The following EIF3E variants were observed in gnomAD, a reference collection of about 807,000 sequenced individuals.
EIF3E encodes the protein eIF-3 p48.
Under a neutral mutation model 59.3 loss-of-function variants are expected in EIF3E, and 25 were observed. That is an observed-to-expected ratio of 0.42 (90% CI 0.31 to 0.59). The LOEUF is 0.59. Ranked by LOEUF, EIF3E falls within the 20% of genes least tolerant of loss-of-function variation. The probability of loss-of-function intolerance (pLI) is 0.15; values close to 1 mark genes in which losing one functional copy is unlikely to be tolerated. For missense variants in EIF3E, 317 were observed against 534.3 expected (o/e 0.59, Z 4.01); for synonymous variants, 176 against 170.2 (o/e 1.03, Z -0.26).
chr8:108,203,435 T>C lies in EIF3E; in HGVS notation c.1130A>G (p.Asn377Ser). ...ATCAATCTTGGCATCCAGTCTTGCA[T>C]TTCTAATCAAATTTACAATCCACCT... ...AERWIVNLIRNARLDAKIDSK... is the reference protein window; with the variant it reads ...AERWIVNLIRSARLDAKIDSK... Residue 377 changes from asparagine to serine, a missense_variant, in exon 11 of 13, where the codon AAT becomes AGT. Around this residue, in one of 4 missense-constraint regions of EIF3E, gnomAD observed 45 missense variants for 97.8 expected, o/e 0.46. Coordinates refer to ENST00000220849, the MANE Select transcript of EIF3E (RefSeq NM_001568.3). The C allele has an allele frequency of 1.2e-6, 2 of 1,612,626 alleles. No homozygotes were observed. Among genetic ancestry groups the C allele is most frequent in the Non-Finnish European group, 1.7e-6 (2 of 1,179,056 alleles).
At position 108,203,387 on chromosome 8, in the gene EIF3E, A is replaced by G. The variant is rs188998961; in HGVS notation, c.1164+14T>C. On this transcript the variant is annotated intron_variant, in intron 11 of 12. Transcript: ENST00000220849. ...GGAACTGATAGTATGTAGCATAGCT[A>G]ACATAATACTCACTAATTTAGAATC... The G allele has an allele frequency of 6.3e-7, 1 of 1,589,884 alleles. No individual in the cohort carries two copies. The highest frequency in any genetic ancestry group is 8.6e-7 in the Non-Finnish European group (1 of 1,159,412).
Position 108,217,419 on chromosome 8 carries a change from C to A in EIF3E, c.764G>T (p.Arg255Leu). Residue 255 changes from arginine (R) to leucine (L), a missense_variant, in exon 8 of 13, where the codon CGC becomes CTC. By Grantham distance (102) the Arg-to-Leu change is moderately radical. Transcript: ENST00000220849. ...TGTTATGACTGCTGTAGTCAAATAGCGAAGAATGTGTGGACACATTGTCTG... is the reference window on the plus strand; with the variant it reads ...TGTTATGACTGCTGTAGTCAAATAGAGAAGAATGTGTGGACACATTGTCTG... ...AIQTMCPHIL[R>L]YLTTAVITNK... is the part of the protein sequence containing the mutation. 1 of 1,604,082 alleles carries A rather than the reference C, an allele frequency of 6.2e-7. No homozygotes were observed.
chr8:108,218,784 T>TC, intron 7 of EIF3E, among the ~76,000 whole-genome samples: 1 of 39,404 alleles, frequency 2.5e-5, no homozygotes. Context: ...TTTTATTTCT[T>TC]TTTTTTTTTT....
intron 5 of EIF3E, 119 bp downstream of exon 5, chr8:108,234,879 A>G: frequency 2.0e-6 from 1 of 500,948 alleles, no homozygotes. Flanking sequence ...CTCTTTTGCC[A>G]ATGACTGTTG....
chr8:108,210,824 C>A (rs1174656848), intron 10 of EIF3E, among the ~76,000 whole-genome samples: 1 of 151,946 alleles, frequency 6.6e-6, no homozygotes. Flanking sequence ...TCAATTCCCA[C>A]CTATGAGTGA....
intron 7 of EIF3E, among the ~76,000 whole-genome samples, chr8:108,219,433 G>C (rs1348728880): frequency 6.6e-6 from 1 of 152,066 alleles, no homozygotes; most frequent in Non-Finnish European, 1.5e-5. Flanking sequence ...CCAAAATATA[G>C]GTCTGCTAAT....
intron 1 of EIF3E, 23 bp downstream of exon 1, chr8:108,248,590 C>G (rs1363454077): frequency 6.2e-7 from 1 of 1,613,070 alleles, no homozygotes; most frequent in South Asian, 1.1e-5. Context: ...CCACGCCTTC[C>G]TTGCGCCCAA....
intron 7 of EIF3E, among the ~76,000 whole-genome samples, chr8:108,222,717 G>GT: frequency 6.6e-6 from 1 of 151,638 alleles, no homozygotes; most frequent in Non-Finnish European, 1.5e-5. Flanking sequence ...CAATACCACT[G>GT]TATGTACTTA....
At chr8:108,240,281 G>A (rs913425548) in intron 2 of EIF3E, among the ~76,000 whole-genome samples, 6 of 152,078 alleles carry the variant, frequency 3.9e-5, no homozygotes. Context: ...GCACAAAAAG[G>A]AAAAGGGAAT....
At chr8:108,238,359 C>CTAT (rs1815774347) in intron 3 of EIF3E, among the ~76,000 whole-genome samples, 1 of 152,072 alleles carries the variant, frequency 6.6e-6, no homozygotes, top group Admixed American at 6.6e-5. Context: ...CCTCAAATAC[C>CTAT]AAAATCTGCA....
chr8:108,239,861 T>C (rs905770439), intron 3 of EIF3E, 97 bp downstream of exon 3: 3 of 978,878 alleles, frequency 3.1e-6, no homozygotes, highest in Admixed American at 1.9e-5. Flanking sequence ...ATTTAAACCA[T>C]GAACTTTTAC....
At chr8:108,239,544 T>C (rs1471187842) in intron 3 of EIF3E, among the ~76,000 whole-genome samples, 1 of 127,896 alleles carries the variant, frequency 7.8e-6, no homozygotes, top group East Asian at 2.2e-4. Flanking sequence ...TAATTCTTTG[T>C]TGGGGAGTAG....
intron 1 of EIF3E, among the ~76,000 whole-genome samples, chr8:108,247,631 T>C (rs1209971561): frequency 2.0e-5 from 3 of 152,210 alleles, no homozygotes; most frequent in Non-Finnish European, 2.9e-5. Flanking sequence ...TTTTGTTTTA[T>C]TGCTTTTTGT....
intron 1 of EIF3E, chr8:108,243,264 G>C (rs139270061): frequency 4.1e-4 from 63 of 152,218 alleles, no homozygotes; most frequent in African/African-American, 1.4e-3. Context: ...TCAAAAACAG[G>C]CAAAATGAAT....
Position 108,236,796 on chromosome 8 carries a change from TG to T in EIF3E, c.324-594del, listed in dbSNP as rs1815739820. On this transcript the variant is annotated intron_variant, in intron 3 of 12. Coordinates refer to ENST00000220849, the MANE Select transcript of EIF3E (RefSeq NM_001568.3). ...CAGCACTTTGGGAGGCCGAGGCAGG[TG>T]GATCTCCTGAGGTCAGGAGTTCAAG... Among the ~76,000 whole-genome samples the T allele has an allele frequency of 3.9e-5, 6 of 152,166 alleles. No individual in the cohort carries two copies. The South Asian group carries it at 1.2e-3, about 32-fold the overall frequency.
At position 108,202,976 on chromosome 8, in the gene EIF3E, TTCTTACCTCTGACCTGC is replaced by T; in HGVS notation, c.1289_1299+6del. 1 of 1,610,272 alleles carries T rather than the reference TTCTTACCTCTGACCTGC, an allele frequency of 6.2e-7. No homozygotes were observed. The highest frequency in any genetic ancestry group is 8.5e-7 in the Non-Finnish European group (1 of 1,178,220). Reference sequence around the variant, plus strand: ...CCCAGACAGAATAGAAGATGTGTGGTTCTTACCTCTGACCTGCTATTCTGATTAAGTTTCTTCTCAAT... The same window carrying T: ...CCCAGACAGAATAGAAGATGTGTGGTTATTCTGATTAAGTTTCTTCTCAAT... On this transcript the variant is annotated splice_donor_variant and splice_donor_5th_base_variant and coding_sequence_variant and intron_variant, in exon 12 of 13. Coordinates refer to ENST00000220849, the MANE Select transcript of EIF3E (RefSeq NM_001568.3). LOFTEE classifies it high-confidence loss of function.
chr8:108,243,638 G>GAAAAA (rs779684560), intron 1 of EIF3E, among the ~76,000 whole-genome samples: 39 of 70,970 alleles, frequency 5.5e-4, no homozygotes, highest in East Asian at 1.8e-3. Flanking sequence ...CAAAAAAAAA[G>GAAAAA]AAAAAAAAAA....
intron 7 of EIF3E, chr8:108,226,109 C>T (rs1815511748): frequency 6.6e-6 from 1 of 151,406 alleles, no homozygotes; most frequent in Non-Finnish European, 1.5e-5. Flanking sequence ...ATGCAGTTTC[C>T]AAGAACCTAG....
In EIF3E at chr8:108,202,966, A is replaced by T. The variant is rs771307071; in HGVS notation, c.1299+17T>A. On this transcript the variant is annotated intron_variant, in intron 12 of 12. Coordinates refer to ENST00000220849, the MANE Select transcript of EIF3E (RefSeq NM_001568.3). ...GTTGCTAAACCCCAGACAGAATAGA[A>T]GATGTGTGGTTCTTACCTCTGACCT... The T allele has an allele frequency of 1.2e-6, 2 of 1,607,688 alleles. No individual in the cohort carries two copies. The highest frequency in any genetic ancestry group is 1.7e-5 in the Admixed American group (1 of 59,514).
Sources: allele counts gnomAD v4.1 joint callset (sites outside exome capture counted in the v4.1 genomes callset), GRCh38; gene constraint gnomAD v4.1.1; regional missense constraint gnomAD v4.1.1; transcripts MANE v1.5; gene names NCBI Gene and HGNC (gene_info 2026-07-23, HGNC 2026-07-21).